Variants in FRMD4B observed in about 807,000 individuals in gnomAD.
FRMD4B encodes FERM domain containing 4B.
In FRMD4B, 74 loss-of-function variants were observed where a neutral mutation model predicts 141.5. That is an observed-to-expected ratio of 0.52 (90% confidence interval 0.43 to 0.63). The LOEUF (loss-of-function observed/expected upper bound fraction) is 0.63, where lower values mean the gene tolerates loss of function less well. Ranked by LOEUF, FRMD4B falls within the 30% of genes least tolerant of loss-of-function variation. The pLI is 0.00. For synonymous variants in FRMD4B, 506 were observed against 467.9 expected, an observed-to-expected ratio of 1.08 and a Z score of -1.05; for missense variants, 1,366 against 1,253.4, an observed-to-expected ratio of 1.09 and a Z score of -1.36.
At chr3:69,191,932 G>C (rs1302223280) in intron 17 of FRMD4B, among the ~76,000 whole-genome samples, 1 of 152,026 alleles carries the variant, frequency 6.6e-6, no homozygotes, top group African/African-American at 2.4e-5. Context: ...CTTTCCAAAA[G>C]CCATGTCTGC....
At chr3:69,438,664 G>A (rs1475756187) in intron 1 of FRMD4B, among the ~76,000 whole-genome samples, 1 of 152,056 alleles carries the variant, frequency 6.6e-6, no homozygotes, top group African/African-American at 2.4e-5. Context: ...AAGCAAAAAA[G>A]TGGTCACACA....
intron 1 of FRMD4B, among the ~76,000 whole-genome samples, chr3:69,540,252 G>A (rs1701152754): frequency 6.6e-6 from 1 of 151,940 alleles, no homozygotes; most frequent in Admixed American, 6.6e-5. Context: ...ACTTAATTTA[G>A]AGACAAAAAT....
At chr3:69,180,432 CTAA>C (rs1176423558) in intron 21 of FRMD4B, among the ~76,000 whole-genome samples, 1 of 151,946 alleles carries the variant, frequency 6.6e-6, no homozygotes, top group African/African-American at 2.4e-5. Context: ...ATGTATAATT[CTAA>C]TGTTTTCTGC....
intron 2 of FRMD4B, among the ~76,000 whole-genome samples, chr3:69,419,928 C>G (rs1704940926): frequency 6.6e-6 from 1 of 152,198 alleles, no homozygotes; most frequent in African/African-American, 2.4e-5. Context: ...ACAATCTTGG[C>G]TCACTGCAAC....
chr3:69,254,476 C>G (rs569923120), intron 5 of FRMD4B, among the ~76,000 whole-genome samples: 1 of 152,118 alleles, frequency 6.6e-6, no homozygotes, highest in Non-Finnish European at 1.5e-5. Flanking sequence ...ATCACAAATA[C>G]CTCTCCATAG....
At chr3:69,179,592 A>C (rs1002934049) in intron 21 of FRMD4B, among the ~76,000 whole-genome samples, 1 of 152,184 alleles carries the variant, frequency 6.6e-6, no homozygotes, top group African/African-American at 2.4e-5. Flanking sequence ...ATCTCCATGG[A>C]AACGCCTCAT....
At chr3:69,224,310 T>C (rs914451835) in intron 8 of FRMD4B, among the ~76,000 whole-genome samples, 13 of 152,344 alleles carry the variant, frequency 8.5e-5, no homozygotes, top group East Asian at 7.7e-4. Context: ...TGCACATATA[T>C]TGAATATTAT....
chr3:69,360,190 G>A (rs1397768234), intron 1 of FRMD4B, among the ~76,000 whole-genome samples: 2 of 152,106 alleles, frequency 1.3e-5, no homozygotes, highest in East Asian at 1.9e-4. Context: ...TCAAAGACCA[G>A]TGTCATAACC....
At chr3:69,246,988 T>C (rs1039661569) in intron 7 of FRMD4B, among the ~76,000 whole-genome samples, 1 of 152,204 alleles carries the variant, frequency 6.6e-6, no homozygotes, top group Non-Finnish European at 1.5e-5. Context: ...CCCTTTCTTT[T>C]TCTATTCTCC....
intron 4 of FRMD4B, among the ~76,000 whole-genome samples, chr3:69,288,944 T>C (rs537671297): frequency 8.5e-5 from 13 of 152,358 alleles, no homozygotes; most frequent in Non-Finnish European, 1.8e-4. Flanking sequence ...TGAAAGATTT[T>C]ATCACTGAGA....
chr3:69,244,161 C>T (rs116417618), intron 7 of FRMD4B, among the ~76,000 whole-genome samples: 9 of 152,016 alleles, frequency 5.9e-5, no homozygotes, highest in Non-Finnish European at 1.0e-4. Flanking sequence ...GAGAAAGTTG[C>T]GGTGCTGATC....
At chr3:69,381,593 T>C (rs549341650) in intron 1 of FRMD4B, among the ~76,000 whole-genome samples, 1 of 152,326 alleles carries the variant, frequency 6.6e-6, no homozygotes, top group East Asian at 1.9e-4. Flanking sequence ...TTCTAGTCCA[T>C]ATGCCTGAAA....
chr3:69,536,273 A>G (rs1559556219), intron 1 of FRMD4B: 2 of 618,644 alleles, frequency 3.2e-6, no homozygotes, highest in South Asian at 1.8e-5. Flanking sequence ...GGGGACCATC[A>G]GGGGGCCATC....
chr3:69,205,285 G>A (rs374948687), intron 11 of FRMD4B, among the ~76,000 whole-genome samples: 1 of 151,530 alleles, frequency 6.6e-6, no homozygotes, highest in Admixed American at 6.6e-5. Context: ...CTCTGATCTC[G>A]ACCTTCTGAG....
At chr3:69,540,337 G>T (rs868380476) in intron 1 of FRMD4B, among the ~76,000 whole-genome samples, 1 of 151,758 alleles carries the variant, frequency 6.6e-6, no homozygotes, top group African/African-American at 2.4e-5. Flanking sequence ...TATATAGGCC[G>T]GGTGCCGCGG....
chr3:69,345,441 A>T (rs542819461), intron 1 of FRMD4B, among the ~76,000 whole-genome samples: 11 of 152,290 alleles, frequency 7.2e-5, no homozygotes, highest in South Asian at 6.2e-4. Flanking sequence ...GGCAGCAGAA[A>T]CCTCTACAGA....
At chr3:69,238,881 G>T (rs1382041741) in intron 7 of FRMD4B, among the ~76,000 whole-genome samples, 1 of 152,102 alleles carries the variant, frequency 6.6e-6, no homozygotes, top group Non-Finnish European at 1.5e-5. Flanking sequence ...CTCTGCCCAG[G>T]CTGGTGGTCG....
intron 5 of FRMD4B, among the ~76,000 whole-genome samples, chr3:69,281,865 T>G (rs1001830050): frequency 6.6e-6 from 1 of 150,742 alleles, no homozygotes; most frequent in Non-Finnish European, 1.5e-5. Context: ...TTGCTTACAG[T>G]ATTTTTCACA....
chr3:69,501,464 A>T (rs571425794), intron 1 of FRMD4B, among the ~76,000 whole-genome samples: 2 of 152,170 alleles, frequency 1.3e-5, no homozygotes, highest in Non-Finnish European at 2.9e-5. Flanking sequence ...TTAAATGAAC[A>T]TCTGCAGAGG....
Sources: allele counts gnomAD v4.1 joint callset (sites outside exome capture counted in the v4.1 genomes callset), GRCh38; gene constraint gnomAD v4.1.1; transcripts MANE v1.5; gene names NCBI Gene and HGNC (gene_info 2026-07-23, HGNC 2026-07-21).